The following FRMD3 variants were observed in gnomAD, a reference collection of about 807,000 sequenced individuals.
FRMD3 encodes FERM domain containing 3.
In FRMD3, 33 loss-of-function variants were observed where a neutral mutation model predicts 70.2. The observed-to-expected ratio is 0.47, with a 90% confidence interval of 0.36 to 0.63. The LOEUF is 0.63. Among genes scored for constraint, FRMD3 ranks in the 20% least tolerant of loss-of-function variants. FRMD3 has a pLI of 0.00. For synonymous variants in FRMD3, 279 were observed against 255.9 expected (o/e 1.09, Z -0.86); for missense variants, 632 against 711.4 (o/e 0.89, Z 1.27).
intron 1 of FRMD3, among the ~76,000 whole-genome samples, chr9:83,423,882 C>T (rs184357742): frequency 1.3e-5 from 2 of 152,070 alleles, no homozygotes; most frequent in Non-Finnish European, 2.9e-5. Flanking sequence ...AGGCATGAGC[C>T]GCGGCCCCGA....
intron 1 of FRMD3, among the ~76,000 whole-genome samples, chr9:83,517,547 AAT>A (rs1829482146): frequency 6.6e-6 from 1 of 151,780 alleles, no homozygotes; most frequent in Middle Eastern, 3.4e-3. Context: ...TTCACAGGCG[AAT>A]TCTACCAGAG....
rs1191227365 is a variant in FRMD3 at position 83,537,288 on chromosome 9, C to T, written c.147+797G>A. Among the ~76,000 whole-genome samples the T allele has an allele frequency of 6.6e-6, 1 of 152,256 alleles. No homozygotes were observed. The highest frequency in any genetic ancestry group is 1.5e-5 in the Non-Finnish European group (1 of 68,050). ...AAGCTGCCTTCTCCCAAACAACTCG[C>T]CTTCTCCTCCAACTTGGGCGACAGT... On this transcript the variant is annotated intron_variant, in intron 1 of 13. Coordinates refer to ENST00000304195, the MANE Select transcript of FRMD3 (RefSeq NM_174938.6). The surrounding 1 kb of genome is among the most constrained non-coding windows in gnomAD (Gnocchi z 4.1).
At chr9:83,450,350 T>G (rs1827612382) in intron 1 of FRMD3, among the ~76,000 whole-genome samples, 1 of 42,512 alleles carries the variant, frequency 2.4e-5, no homozygotes, top group African/African-American at 6.8e-5. Flanking sequence ...ACCCTCAGTT[T>G]TTTTTTTTTT....
At chr9:83,429,681 G>T (rs1004850122) in intron 1 of FRMD3, among the ~76,000 whole-genome samples, 1 of 152,156 alleles carries the variant, frequency 6.6e-6, no homozygotes, top group Non-Finnish European at 1.5e-5. Flanking sequence ...ATGTGTGCAT[G>T]ATGCCAGGTG....
At chr9:83,342,682 G>C (rs990033241) in intron 5 of FRMD3, among the ~76,000 whole-genome samples, 3 of 146,852 alleles carry the variant, frequency 2.0e-5, no homozygotes, top group African/African-American at 7.5e-5. Context: ...TGGATGGATG[G>C]ATGGATAGAT....
intron 1 of FRMD3, among the ~76,000 whole-genome samples, chr9:83,390,120 A>G (rs1232659855): frequency 1.3e-5 from 2 of 152,220 alleles, no homozygotes; most frequent in Non-Finnish European, 1.5e-5. Context: ...ATATTCATTC[A>G]TCCAGTTCTC....
intron 1 of FRMD3, among the ~76,000 whole-genome samples, chr9:83,424,732 T>C (rs536727910): frequency 1.3e-5 from 2 of 152,336 alleles, no homozygotes; most frequent in African/African-American, 4.8e-5. Context: ...GTTTCATCTT[T>C]AAAAACAAGA....
chr9:83,530,629 AG>A lies in FRMD3; in HGVS notation c.147+7455del, dbSNP rs61023910. Among the ~76,000 whole-genome samples the A allele has an allele frequency of 4.1e-3, 618 of 152,332 alleles. 3 individuals carry two copies. The highest frequency in any genetic ancestry group is 6.7e-3 in the Non-Finnish European group (457 of 68,032). ...GTATACCTTAAGTGGGCGTACTACA[AG>A]GAATGTGAACTACATCTCAATAAAA... On this transcript the variant is annotated intron_variant, in intron 1 of 13. Coordinates refer to ENST00000304195, the MANE Select transcript of FRMD3 (RefSeq NM_174938.6).
chr9:83,334,181 C>T (rs1823497171), intron 6 of FRMD3, among the ~76,000 whole-genome samples: 1 of 152,110 alleles, frequency 6.6e-6, no homozygotes, highest in Admixed American at 6.6e-5. Context: ...TTTATTTCTA[C>T]CTCTAGTACA....
At chr9:83,508,189 G>A (rs548554391) in intron 1 of FRMD3, among the ~76,000 whole-genome samples, 2 of 152,268 alleles carry the variant, frequency 1.3e-5, no homozygotes, top group South Asian at 2.1e-4. Flanking sequence ...TGCTTTTTAC[G>A]TAAAATTACA....
chr9:83,501,108 T>A (rs982100510), intron 1 of FRMD3, among the ~76,000 whole-genome samples: 5 of 152,208 alleles, frequency 3.3e-5, no homozygotes, highest in African/African-American at 1.2e-4. Flanking sequence ...TTTCTATAGA[T>A]CTTACATGAT....
intron 1 of FRMD3, among the ~76,000 whole-genome samples, chr9:83,401,486 A>C (rs1174243808): frequency 6.6e-6 from 1 of 152,202 alleles, no homozygotes; most frequent in Non-Finnish European, 1.5e-5. Context: ...TCAAATCAAG[A>C]GCTGGAGCCA....
In FRMD3 at chr9:83,476,951, G is replaced by A. The variant is rs370777597; in HGVS notation, c.147+61134C>T. Among the ~76,000 whole-genome samples, 40 of 152,302 alleles carry A rather than the reference G, an allele frequency of 2.6e-4. No homozygotes were observed. The East Asian group carries it at 2.9e-3, about 11-fold the overall frequency. On this transcript the variant is annotated intron_variant, in intron 1 of 13. Transcript: ENST00000304195. The stretch of plus-strand genomic sequence containing the variant: ...TTTATGATCCTTGAGGGCAGGTGGT[G>A]TCTCTTTTGTGTCCATAACCACATC...
intron 13 of FRMD3, among the ~76,000 whole-genome samples, chr9:83,257,747 T>G (rs758112001): frequency 8.5e-5 from 13 of 152,270 alleles, no homozygotes; most frequent in Non-Finnish European, 1.6e-4. Flanking sequence ...TTCATCCACA[T>G]CTGAGAAGCC....
intron 3 of FRMD3, among the ~76,000 whole-genome samples, chr9:83,354,291 G>A (rs1487857118): frequency 6.6e-6 from 1 of 152,052 alleles, no homozygotes; most frequent in Non-Finnish European, 1.5e-5. Context: ...AGAAAATGTG[G>A]TACATATACA....
intron 4 of FRMD3, among the ~76,000 whole-genome samples, chr9:83,349,314 C>T (rs1291771049): frequency 1.3e-5 from 2 of 152,088 alleles, no homozygotes; most frequent in African/African-American, 4.8e-5. Context: ...CTTTTCCCTC[C>T]CAGAAAAGCT....
intron 7 of FRMD3, among the ~76,000 whole-genome samples, chr9:83,312,631 T>C (rs1292071260): frequency 6.6e-6 from 1 of 152,220 alleles, no homozygotes; most frequent in Non-Finnish European, 1.5e-5. Context: ...TATTCCAACA[T>C]TTGCGTAGGC....
At chr9:83,543,545 G>A (rs1830021906), upstream of FRMD3, among the ~76,000 whole-genome samples, 1 of 152,082 alleles carries the variant, frequency 6.6e-6, no homozygotes, top group Admixed American at 6.6e-5. Context: ...TCCTGCCCAG[G>A]GAATCTCAGT....
At chr9:83,585,429 G>A in the FRMD3 span, among the ~76,000 whole-genome samples, 5 of 152,106 alleles carry the variant, frequency 3.3e-5, no homozygotes, top group Middle Eastern at 3.2e-3. Context: ...ACAGAATCCC[G>A]CTTTTTACCT....
Sources: allele counts gnomAD v4.1 joint callset (sites outside exome capture counted in the v4.1 genomes callset), GRCh38; gene constraint gnomAD v4.1.1; non-coding constraint Gnocchi (gnomAD v3.1); transcripts MANE v1.5; gene names NCBI Gene and HGNC (gene_info 2026-07-23, HGNC 2026-07-21).